The following TIRAP variants were observed in gnomAD, a reference collection of about 807,000 sequenced individuals.
TIRAP encodes toll/interleukin-1 receptor domain-containing adapter protein.
A neutral mutation model predicts 19.8 loss-of-function variants in TIRAP; 20 were observed. That is an observed-to-expected ratio of 1.01 (90% confidence interval 0.71 to 1.47). The LOEUF is 1.47. Ranked by LOEUF, TIRAP falls within the 40% of genes most tolerant of loss-of-function variation. TIRAP has a pLI of 0.00. For synonymous variants in TIRAP, 125 were observed against 121.7 expected (o/e 1.03, Z -0.18); for missense variants, 276 against 285.1 (o/e 0.97, Z 0.23).
chr11:126,284,531 A>G (rs1951295386), intron 1 of TIRAP, among the ~76,000 whole-genome samples: 1 of 152,168 alleles, frequency 6.6e-6, no homozygotes, highest in Non-Finnish European at 1.5e-5. Flanking sequence ...TCTTGCTGCT[A>G]CAGACATTCT....
intron 1 of TIRAP, among the ~76,000 whole-genome samples, chr11:126,285,913 G>C (rs578026713): frequency 2.8e-4 from 43 of 151,918 alleles, no homozygotes; most frequent in African/African-American, 1.0e-3. Flanking sequence ...AAATTAGGTA[G>C]GTGTGGTGGC....
chr11:126,293,064 C>T lies in TIRAP; in HGVS notation c.646+9C>T, dbSNP rs371636269. ...AGAAGCTGTCATGCGTTGTAAGCTA[C>T]TACAGGAGGGAGAAGGGGAACGGGA... On this transcript the variant is annotated intron_variant, in intron 4 of 4. Coordinates refer to ENST00000392679, the MANE Select transcript of TIRAP (RefSeq NM_001318777.2). The T allele has an allele frequency of 2.5e-6, 4 of 1,614,132 alleles. No homozygotes were observed. The highest frequency in any genetic ancestry group is 2.7e-5 in the African/African-American group (2 of 75,056).
At chr11:126,284,721 G>A (rs1406774477) in intron 1 of TIRAP, among the ~76,000 whole-genome samples, 1 of 152,022 alleles carries the variant, frequency 6.6e-6, no homozygotes, top group African/African-American at 2.4e-5. Context: ...AGGCGTGATG[G>A]CGGGTGTCGG....
In TIRAP at chr11:126,290,786, C is replaced by G; in HGVS notation, c.-92-17C>G. The G allele has an allele frequency of 6.7e-7, 1 of 1,496,428 alleles. No individual in the cohort carries two copies. 92.7% of individuals were successfully genotyped at this position (1,496,428 alleles called of 1,614,324 possible). ...GTAAGTGCAGCCTTTGTGATTCTCT[C>G]TCTCTACCCTCTGTAGGATGGCTGC... On this transcript the variant is annotated splice_polypyrimidine_tract_variant and intron_variant, in intron 2 of 4. Coordinates refer to ENST00000392679, the MANE Select transcript of TIRAP (RefSeq NM_001318777.2). This position sits in a 1 kb window ranked among gnomAD's most constrained non-coding sequence, Gnocchi z 4.9.
rs189556826 is a variant in TIRAP at position 126,286,549 on chromosome 11, C to T, written c.-217+3396C>T. ...CAAACCATAATTAATCCTACCCAAA[C>T]GTTTTAGCAAGTGTTTGAGAACAAA... On this transcript the variant is annotated intron_variant, in intron 1 of 4. Coordinates refer to ENST00000392679, the MANE Select transcript of TIRAP (RefSeq NM_001318777.2). Among the ~76,000 whole-genome samples the T allele has an allele frequency of 2.3e-3, 355 of 152,296 alleles. 2 individuals carry two copies. The highest frequency in any genetic ancestry group is 7.0e-3 in the African/African-American group (289 of 41,560).
In TIRAP at chr11:126,293,091, T is replaced by C. The variant is rs373668992; in HGVS notation, c.646+36T>C. On this transcript the variant is annotated intron_variant, in intron 4 of 4. Transcript: ENST00000392679. ...ACAGGAGGGAGAAGGGGAACGGGAT[T>C]CAGCTACAGTATCTGATCTACTTTG... is the stretch of plus-strand genomic sequence containing the variant. 2.5e-6 allele frequency: 4 copies of C among 1,613,430 alleles called. No homozygotes were observed. The Admixed American group carries it at 5.0e-5, about 20-fold the overall frequency.
chr11:126,284,322 C>T (rs1421224643), intron 1 of TIRAP, among the ~76,000 whole-genome samples: 6 of 152,214 alleles, frequency 3.9e-5, no homozygotes, highest in Non-Finnish European at 7.3e-5. Context: ...GCGTGAACCA[C>T]TGCGCCCAGC....
chr11:126,291,126 G>A lies in TIRAP; in HGVS notation c.67+165G>A. On this transcript the variant is annotated intron_variant, in intron 3 of 4. Coordinates refer to ENST00000392679, the MANE Select transcript of TIRAP (RefSeq NM_001318777.2). This position sits in a 1 kb window ranked among gnomAD's most constrained non-coding sequence, Gnocchi z 5.6. ...AGGGCCTGGATGCTTTGTGGAGAGT[G>A]AGGAGGGGAGGCCTGCGTCAGCTCA... The A allele has an allele frequency of 1.2e-6, 1 of 804,718 alleles. No homozygotes were observed. The highest frequency in any genetic ancestry group is 1.9e-6 in the Non-Finnish European group (1 of 523,246). The allele number at this position is 804,718 out of a possible 1,614,324, so 49.8% of individuals were successfully genotyped here. A position where few individuals can be genotyped will look rare whatever the true frequency, so the allele number is the denominator to read the frequency against.
At chr11:126,289,417 A>G (rs1951356817) in intron 1 of TIRAP, among the ~76,000 whole-genome samples, 1 of 152,160 alleles carries the variant, frequency 6.6e-6, no homozygotes, top group Admixed American at 6.6e-5. Flanking sequence ...AGCTGGGATT[A>G]TAGGCGCCTG....
chr11:126,283,335 C>A (rs948835166), intron 1 of TIRAP, among the ~76,000 whole-genome samples, 182 bp downstream of exon 1: 3 of 152,144 alleles, frequency 2.0e-5, no homozygotes, highest in Non-Finnish European at 4.4e-5. Context: ...CTTCACCTTT[C>A]TGGCACCCGC....
Position 126,293,708 on chromosome 11 carries a change from C to T in TIRAP, c.*21C>T, listed in dbSNP as rs1427454521. 6.2e-7 allele frequency: 1 copy of T among 1,613,894 alleles called. No homozygotes were observed. Among genetic ancestry groups the T allele is most frequent in the African/African-American group, 1.3e-5 (1 of 74,884 alleles). On this transcript the variant is annotated 3_prime_UTR_variant, in exon 5 of 5. Coordinates refer to ENST00000392679, the MANE Select transcript of TIRAP (RefSeq NM_001318777.2). The stretch of plus-strand genomic sequence containing the variant: ...GTTGACACTTGTTATATCATGGGAC[C>T]CCGGAAATTGGAGTGAAGCTAGAAA...
rs138228187 is a variant in TIRAP, at chr11:126,292,650, C to T, written c.241C>T (p.Arg81Cys). The change falls in exon 4 of 5, where the codon CGC becomes TGC. Residue 81 changes from arginine to cysteine, a missense_variant. Coordinates refer to ENST00000392679, the MANE Select transcript of TIRAP (RefSeq NM_001318777.2). ...PTHASDSGSS[R>C]WSKDYDVCVC... The stretch of plus-strand genomic sequence containing the variant: ...ACATGCGAGTGACAGTGGCAGTAGT[C>T]GCTGGAGCAAAGACTATGACGTCTG... 58 of 1,614,118 alleles carry T rather than the reference C, an allele frequency of 3.6e-5. No individual in the cohort carries two copies. The East Asian group carries it at 1.1e-3, about 31-fold the overall frequency.
chr11:126,283,804 G>C (rs537565465), intron 1 of TIRAP, among the ~76,000 whole-genome samples: 6 of 152,278 alleles, frequency 3.9e-5, no homozygotes, highest in Admixed American at 3.9e-4. Context: ...GGGGACACCA[G>C]GATCAGGAAT....
chr11:126,289,308 C>T lies in TIRAP; in HGVS notation c.-216-1154C>T, dbSNP rs1417882438. On this transcript the variant is annotated intron_variant, in intron 1 of 4. Coordinates refer to ENST00000392679, the MANE Select transcript of TIRAP (RefSeq NM_001318777.2). ...AATTTTTTTTATTGAGATGGAGTTT[C>T]GCTCTTGTTGCCCAGGCTGGAGTGC... Among the ~76,000 whole-genome samples, 7 of 152,176 alleles carry T rather than the reference C, an allele frequency of 4.6e-5. No individual in the cohort carries two copies. In the South Asian group the frequency reaches 6.2e-4, roughly 13 times the overall value.
rs1311236886 is a variant in TIRAP at position 126,290,380 on chromosome 11, C to G, written c.-216-82C>G. 2 of 961,996 alleles carry G rather than the reference C, an allele frequency of 2.1e-6. No homozygotes were observed. The highest frequency in any genetic ancestry group is 6.2e-5 in the Admixed American group (1 of 16,234). The allele number at this position is 961,996 out of a possible 1,614,324, so 59.6% of individuals were successfully genotyped here. A position where few individuals can be genotyped will look rare whatever the true frequency, so the allele number is the denominator to read the frequency against. On this transcript the variant is annotated intron_variant, in intron 1 of 4. Coordinates refer to ENST00000392679, the MANE Select transcript of TIRAP (RefSeq NM_001318777.2). This position sits in a 1 kb window ranked among gnomAD's most constrained non-coding sequence, Gnocchi z 4.9. The stretch of plus-strand genomic sequence containing the variant: ...TCTCCCAAGATTTCCTGCATGTGCT[C>G]TCTCTCTACTGTTCAGCTTCTGTCT...
chr11:126,289,932 A>C, intron 1 of TIRAP: 1 of 681,658 alleles, frequency 1.5e-6, no homozygotes, highest in Non-Finnish European at 1.8e-6. Context: ...AAAAACAAAA[A>C]TCTTCTAGAC....
chr11:126,285,521 A>G (rs1951311950), intron 1 of TIRAP, among the ~76,000 whole-genome samples: 1 of 151,300 alleles, frequency 6.6e-6, no homozygotes, highest in Non-Finnish European at 1.5e-5. Context: ...CGGCCTCCCA[A>G]AGTGCCGGGA....
chr11:126,289,982 T>C (rs986001092), intron 1 of TIRAP: 3 of 274,424 alleles, frequency 1.1e-5, no homozygotes, highest in Non-Finnish European at 1.1e-5. Context: ...TTGGGAAACG[T>C]TAACATTACA....
chr11:126,287,324 T>TA lies in TIRAP; in HGVS notation c.-216-3138_-216-3137insA, dbSNP rs1350296182. 6.6e-6 allele frequency among the ~76,000 whole-genome samples: 1 copy of TA among 152,120 alleles called. No individual in the cohort carries two copies. The highest frequency in any genetic ancestry group is 6.5e-5 in the Admixed American group (1 of 15,268). ...GATACTAAATACACTTTGGATTTTT[T>TA]TTTTTTTATTTTTGAGACTTGAGTC... On this transcript the variant is annotated intron_variant, in intron 1 of 4. Transcript: ENST00000392679. The surrounding 1 kb of genome is among the most constrained non-coding windows in gnomAD (Gnocchi z 4.2).
Sources: gnomAD v4.1 joint callset for allele counts (sites outside exome capture counted in the v4.1 genomes callset) on GRCh38, gnomAD v4.1.1 for gene constraint, Gnocchi (gnomAD v3.1) non-coding constraint, MANE v1.5 for transcripts, NCBI Gene and HGNC (gene_info 2026-07-23, HGNC 2026-07-21) for gene names.